SLC22A17: variants seen among roughly 807,000 people sequenced by gnomAD.
SLC22A17 encodes the protein 24p3 receptor.
In SLC22A17, 38 loss-of-function variants were observed where a neutral mutation model predicts 53.6. The observed-to-expected ratio is 0.71, with a 90% CI of 0.55 to 0.93. The LOEUF (loss-of-function observed/expected upper bound fraction) is 0.93. Among genes scored for constraint, SLC22A17 ranks in the 40% least tolerant of loss-of-function variants. The pLI, the probability that SLC22A17 is intolerant of heterozygous loss-of-function variation, is 0.00. For synonymous variants in SLC22A17, 379 were observed against 353.0 expected (o/e 1.07, Z -0.82); for missense variants, 704 against 791.0 (o/e 0.89, Z 1.32).
intron 3 of SLC22A17, 145 bp from the exon 4 acceptor site, chr14:23,349,571 G>A: frequency 1.1e-6 from 1 of 951,156 alleles, no homozygotes; most frequent in East Asian, 2.6e-5. Context: ...GAGAAGATGG[G>A]GAGGGATGGG....
Position 23,351,666 on chromosome 14 carries a change from C to T in SLC22A17, c.704+86G>A, listed in dbSNP as rs537677253. On this transcript the variant is annotated intron_variant, in intron 3 of 9. Coordinates refer to ENST00000397267, the Ensembl canonical transcript of SLC22A17. Reference sequence around the variant, plus strand: ...ACTGCAGAGTCCAGCGAATCGTCTTCGACCTCCTGTAAACGCCCGCTGCTT... The same window carrying T: ...ACTGCAGAGTCCAGCGAATCGTCTTTGACCTCCTGTAAACGCCCGCTGCTT... 8 of 1,144,664 alleles carry T rather than the reference C, an allele frequency of 7.0e-6. No homozygotes were observed. The East Asian group carries it at 1.2e-4, about 17-fold the overall frequency. 70.9% of individuals were successfully genotyped at this position (1,144,664 alleles called of 1,614,324 possible).
rs564678103 is a variant in SLC22A17 at position 23,349,067 on chromosome 14, G to C, written c.859+205C>G. 4 of 675,432 alleles carry C rather than the reference G, an allele frequency of 5.9e-6. No individual in the cohort carries two copies. In the African/African-American group the frequency reaches 7.1e-5, roughly 12 times the overall value. The allele number at this position is 675,432 out of a possible 1,614,324, so 41.8% of individuals were successfully genotyped here. On this transcript the variant is annotated intron_variant, in intron 4 of 9. Coordinates refer to ENST00000397267, the Ensembl canonical transcript of SLC22A17. ...TATTCCTTGGCAGCAGTAAGTCCAG[G>C]ACAAAGACTTTAAAGATTGTCGGGA...
rs557635866 is a variant in SLC22A17 at position 23,348,443 on chromosome 14, G to A, written c.1025+63C>T. 2.7e-5 allele frequency: 43 copies of A among 1,591,056 alleles called. No homozygotes were observed. The highest frequency in any genetic ancestry group is 3.4e-5 in the Non-Finnish European group (40 of 1,166,350). On this transcript the variant is annotated intron_variant, in intron 5 of 9. Transcript: ENST00000397267. This position sits in a 1 kb window ranked among gnomAD's most constrained non-coding sequence, Gnocchi z 4.5. ...GTTGGAGAAGAGGAGGGGTCTCCGGGCTAGGGCTAGTTTGGAGGCAGAGAT... is the reference window on the plus strand; with the variant it reads ...GTTGGAGAAGAGGAGGGGTCTCCGGACTAGGGCTAGTTTGGAGGCAGAGAT...
chr14:23,352,103 C>G lies in SLC22A17; in HGVS notation c.445G>C (p.Val149Leu). The G allele has an allele frequency of 6.3e-7, 1 of 1,582,358 alleles. No homozygotes were observed. Among genetic ancestry groups the G allele is most frequent in the Admixed American group, 1.9e-5 (1 of 53,124 alleles). The stretch of plus-strand genomic sequence containing the variant: ...CTGGCTGCTAGGGCAGCGCTGGCGA[C>G]GCTGACGCCGCTGGCATTGGGAGGC... Residue 149 changes from valine (V) to leucine (L), a missense_variant, in exon 2 of 10, where the codon GTC becomes CTC. Val to Leu is a conservative substitution (Grantham distance 32). Around this residue, in one of 4 missense-constraint regions of SLC22A17, gnomAD observed 435 missense variants for 529.0 expected, o/e 0.82. Transcript: ENST00000397267. The surrounding 1 kb of genome is among the most constrained non-coding windows in gnomAD (Gnocchi z 7.2).
chr14:23,347,088 C>A lies in SLC22A17; in HGVS notation c.1661+13G>T, dbSNP rs1409523618. The A allele has an allele frequency of 1.2e-6, 2 of 1,608,496 alleles. No homozygotes were observed. The highest frequency in any genetic ancestry group is 2.2e-5 in the East Asian group (1 of 44,798). On this transcript the variant is annotated intron_variant, in intron 9 of 9. Coordinates refer to ENST00000397267, the Ensembl canonical transcript of SLC22A17. The surrounding 1 kb of genome is among the most constrained non-coding windows in gnomAD (Gnocchi z 5.1). The stretch of plus-strand genomic sequence containing the variant: ...GGGCCCGGCTCTGCCCCTGGGGGCA[C>A]CCCTGCTCTCACCGGACAGTGGTGG...
chr14:23,351,647 G>T, intron 3 of SLC22A17, 105 bp downstream of exon 3: 1 of 841,916 alleles, frequency 1.2e-6, no homozygotes. Context: ...GAAGACTGCA[G>T]AGTCCAGCGA....
chr14:23,350,922 C>A (rs1282004036), intron 3 of SLC22A17: 2 of 152,180 alleles, frequency 1.3e-5, no homozygotes, highest in Non-Finnish European at 2.9e-5. Flanking sequence ...TGGCTTTGAT[C>A]CACAGAAGTT....
At chr14:23,349,339 G>A (rs772355345) in exon 4 of SLC22A17, 46 of 1,613,930 alleles carry the variant, frequency 2.9e-5, no homozygotes, top group African/African-American at 4.0e-5. Context: ...GGGCCATGAC[G>A]CCTGTGGAGG....
intron 4 of SLC22A17, chr14:23,349,002 C>G (rs1889438529): frequency 3.3e-6 from 2 of 597,624 alleles, no homozygotes; most frequent in Non-Finnish European, 5.9e-6. Context: ...TAGGGACAAT[C>G]CTTGTCCCTG....
chr14:23,349,450 G>A, intron 3 of SLC22A17, 24 bp from the exon 4 acceptor site: 2 of 1,602,822 alleles, frequency 1.2e-6, no homozygotes, highest in Admixed American at 1.7e-5. Context: ...AGGGCTTCTG[G>A]TCACCCAGAC....
chr14:23,347,334 G>A lies in SLC22A17; in HGVS notation c.1550-122C>T, dbSNP rs563932788. On this transcript the variant is annotated intron_variant, in intron 8 of 9. Coordinates refer to ENST00000397267, the Ensembl canonical transcript of SLC22A17. This position sits in a 1 kb window ranked among gnomAD's most constrained non-coding sequence, Gnocchi z 5.1. ...TAGCTGGGCAGGCTCTGGGCATTCAGTAATTGACTGGGAGAGCAGATGGGG... is the reference window on the plus strand; with the variant it reads ...TAGCTGGGCAGGCTCTGGGCATTCAATAATTGACTGGGAGAGCAGATGGGG... The A allele has an allele frequency of 1.6e-5, 23 of 1,479,128 alleles. No homozygotes were observed. In the East Asian group the frequency reaches 5.3e-4, roughly 34 times the overall value. 91.6% of individuals were successfully genotyped at this position (1,479,128 alleles called of 1,614,324 possible).
chr14:23,348,726 A>G lies in SLC22A17; in HGVS notation c.860-55T>C, dbSNP rs1179919342. 2.0e-6 allele frequency: 3 copies of G among 1,522,294 alleles called. No individual in the cohort carries two copies. The African/African-American group carries it at 4.2e-5, about 21-fold the overall frequency. 94.3% of individuals were successfully genotyped at this position (1,522,294 alleles called of 1,614,324 possible). A position where few individuals can be genotyped will look rare whatever the true frequency, so the allele number is the denominator to read the frequency against. The stretch of plus-strand genomic sequence containing the variant: ...GAGGGAGGCCAGGGAGGAAGAAGGC[A>G]TAAGAGAGAAGAAGAAAGAGGGAGG... On this transcript the variant is annotated intron_variant, in intron 4 of 9. Transcript: ENST00000397267. This position sits in a 1 kb window ranked among gnomAD's most constrained non-coding sequence, Gnocchi z 4.5.
exon 10 of SLC22A17, chr14:23,346,727 C>A: frequency 6.5e-7 from 1 of 1,545,256 alleles, no homozygotes; most frequent in Non-Finnish European, 8.7e-7. Context: ...CAGGGAAGGC[C>A]GGCGACACAG....
rs2138512875 is a variant in SLC22A17, at chr14:23,347,991, C to T, written c.1177G>A (p.Glu393Lys). 2.5e-6 allele frequency: 4 copies of T among 1,614,032 alleles called. No individual in the cohort carries two copies. Among genetic ancestry groups the T allele is most frequent in the Middle Eastern group, 1.7e-4 (1 of 6,056 alleles). ...GTTGCAGGGAGAGGGCAGGTATTCT[C>T]CAGGTCTTTGGGAGAGAGAGAGGAG... Residue 393 changes from glutamate to lysine, a missense_variant, in exon 7 of 10, where the codon GAG (glutamate) becomes AAG (lysine). Physicochemically the swap from Glu to Lys is moderately conservative, Grantham distance 56 (BLOSUM62 1). Around this residue, in one of 4 missense-constraint regions of SLC22A17, gnomAD observed 435 missense variants for 529.0 expected, o/e 0.82. Transcript: ENST00000397267. This position sits in a 1 kb window ranked among gnomAD's most constrained non-coding sequence, Gnocchi z 5.1.
intron 4 of SLC22A17, 72 bp downstream of exon 4, chr14:23,349,200 G>A (rs1889455545): frequency 1.3e-6 from 2 of 1,595,912 alleles, no homozygotes; most frequent in Non-Finnish European, 1.7e-6. Flanking sequence ...AGGGGGCAGT[G>A]AGGATGGCCT....
intron 3 of SLC22A17, chr14:23,349,810 T>C (rs911914414): frequency 1.7e-5 from 4 of 229,974 alleles, no homozygotes; most frequent in Middle Eastern, 1.5e-3. Flanking sequence ...GCTCAGACTG[T>C]TCAGAGGAGA....
chr14:23,348,957 A>G lies in SLC22A17; in HGVS notation c.860-286T>C. ...CCTTTCCCATCAGGCCTCTTATTTG[A>G]CCTTCACATCAACCCTTGTCCAAGG... On this transcript the variant is annotated intron_variant, in intron 4 of 9. Coordinates refer to ENST00000397267, the Ensembl canonical transcript of SLC22A17. This position sits in a 1 kb window ranked among gnomAD's most constrained non-coding sequence, Gnocchi z 4.5. 1 of 590,202 alleles carries G rather than the reference A, an allele frequency of 1.7e-6. No homozygotes were observed. The highest frequency in any genetic ancestry group is 3.0e-6 in the Non-Finnish European group (1 of 332,440). The allele number at this position is 590,202 out of a possible 1,614,324, so 36.6% of individuals were successfully genotyped here.
rs746635650 is a variant in SLC22A17, at chr14:23,347,459, C to A, written c.1549+1G>T. Reference sequence around the variant, plus strand: ...GAAATGGCTGTGCCTGTCTGAAGCACCTCTGTTGGGGTTCCCTTGTTGAGC... The same window carrying A: ...GAAATGGCTGTGCCTGTCTGAAGCAACTCTGTTGGGGTTCCCTTGTTGAGC... On this transcript the variant is annotated splice_donor_variant, in intron 8 of 9. Transcript: ENST00000397267. LOFTEE classifies it high-confidence loss of function. This position sits in a 1 kb window ranked among gnomAD's most constrained non-coding sequence, Gnocchi z 5.1. 12 of 1,613,104 alleles carry A rather than the reference C, an allele frequency of 7.4e-6. No individual in the cohort carries two copies. The South Asian group carries it at 1.3e-4, about 18-fold the overall frequency.
In SLC22A17 at chr14:23,348,418, G is replaced by A. The variant is rs571301783; in HGVS notation, c.1025+88C>T. On this transcript the variant is annotated intron_variant, in intron 5 of 9. Coordinates refer to ENST00000397267, the Ensembl canonical transcript of SLC22A17. The surrounding 1 kb of genome is among the most constrained non-coding windows in gnomAD (Gnocchi z 4.5). Reference sequence around the variant, plus strand: ...CTGGGGTAGGCCTGGACCAGGGGTAGTTGGAGAAGAGGAGGGGTCTCCGGG... The same window carrying A: ...CTGGGGTAGGCCTGGACCAGGGGTAATTGGAGAAGAGGAGGGGTCTCCGGG... 2 of 1,583,098 alleles carry A rather than the reference G, an allele frequency of 1.3e-6. No homozygotes were observed. The highest frequency in any genetic ancestry group is 3.4e-5 in the Admixed American group (2 of 58,544).
Sources: allele counts gnomAD v4.1 joint callset, GRCh38; gene constraint gnomAD v4.1.1; regional missense constraint gnomAD v4.1.1; non-coding constraint Gnocchi (gnomAD v3.1); transcripts MANE v1.5; gene names NCBI Gene and HGNC (gene_info 2026-07-23, HGNC 2026-07-21).